Variants in RNLS observed in about 807,000 individuals in gnomAD.
RNLS encodes renalase.
RNLS carries 39 observed loss-of-function variants against 39.8 expected under a neutral mutation model. The ratio of observed to expected loss-of-function variants is 0.98; its 90% CI spans 0.76 to 1.28. RNLS has a LOEUF of 1.28. RNLS is among the 50% of genes most tolerant of loss of function. The probability of loss-of-function intolerance (pLI) is 0.00; values close to 1 mark genes in which losing one functional copy is unlikely to be tolerated. For synonymous variants in RNLS, 147 were observed against 150.7 expected (o/e 0.98, Z 0.18); for missense variants, 410 against 413.3 (o/e 0.99, Z 0.07).
chr10:88,486,541 T>C (rs1452630409), intron 4 of RNLS, among the ~76,000 whole-genome samples: 6 of 150,930 alleles, frequency 4.0e-5, no homozygotes, highest in Non-Finnish European at 8.9e-5. Flanking sequence ...CATTAAAAAG[T>C]GGGAAAAGGA....
chr10:88,348,176 C>T (rs1848441066), intron 5 of RNLS, among the ~76,000 whole-genome samples: 1 of 152,158 alleles, frequency 6.6e-6, no homozygotes, highest in Non-Finnish European at 1.5e-5. Flanking sequence ...TTTCCTTTCT[C>T]AGTTGGCAGC....
chr10:88,370,230 A>G (rs938975014), intron 4 of RNLS, among the ~76,000 whole-genome samples: 1 of 152,178 alleles, frequency 6.6e-6, no homozygotes, highest in Non-Finnish European at 1.5e-5. Flanking sequence ...TAAGTAAATA[A>G]GGTACTGCTT....
chr10:88,206,537 C>T, the RNLS span, among the ~76,000 whole-genome samples: 1 of 152,128 alleles, frequency 6.6e-6, no homozygotes, highest in South Asian at 2.1e-4. Flanking sequence ...TAAAGGGCCC[C>T]AACTGGCAGG....
the RNLS span, among the ~76,000 whole-genome samples, chr10:88,232,893 G>C: frequency 6.6e-6 from 1 of 152,148 alleles, no homozygotes; most frequent in East Asian, 1.9e-4. Context: ...TAGTAATAAT[G>C]GTTACTATTA....
chr10:88,274,695 T>G lies in RNLS; in HGVS notation c.*266A>C, dbSNP rs115978207. The G allele has an allele frequency of 1.9e-3, 673 of 361,066 alleles. 4 individuals are homozygous for G. The highest frequency in any genetic ancestry group is 0.012 in the African/African-American group (592 of 48,460). The allele number at this position is 361,066 out of a possible 1,614,324, so 22.4% of individuals were successfully genotyped here. A position where few individuals can be genotyped will look rare whatever the true frequency, so the allele number is the denominator to read the frequency against. On this transcript the variant is annotated 3_prime_UTR_variant, in exon 7 of 7. Coordinates refer to the RNLS transcript ENST00000371947. Reference sequence around the variant, plus strand: ...TTCAAGTCCCTACTTTCACTTCTTTTGGATAGATATCCAGATGTGGAACTG... The same window carrying G: ...TTCAAGTCCCTACTTTCACTTCTTTGGGATAGATATCCAGATGTGGAACTG...
At chr10:88,227,375 CATA>C in the RNLS span, among the ~76,000 whole-genome samples, 5 of 152,192 alleles carry the variant, frequency 3.3e-5, no homozygotes, top group African/African-American at 1.2e-4. Context: ...GAGGTAAAGA[CATA>C]ATAACTAAAT....
At chr10:88,372,232 A>T (rs1248405766) in intron 4 of RNLS, among the ~76,000 whole-genome samples, 1 of 152,122 alleles carries the variant, frequency 6.6e-6, no homozygotes, top group African/African-American at 2.4e-5. Flanking sequence ...GTGATTAATC[A>T]GGTCCCCTCC....
chr10:88,542,664 T>C (rs57335966), intron 4 of RNLS, among the ~76,000 whole-genome samples: 2,683 of 152,248 alleles, frequency 0.018, 86 homozygotes, highest in African/African-American at 0.06. Flanking sequence ...CACTGCATGA[T>C]CTTCTGCAAA....
intron 5 of RNLS, among the ~76,000 whole-genome samples, chr10:88,337,215 G>A (rs984814688): frequency 6.6e-6 from 1 of 152,186 alleles, no homozygotes; most frequent in Non-Finnish European, 1.5e-5. Context: ...AAGAAATCCA[G>A]GACCCTGTTG....
downstream of RNLS, among the ~76,000 whole-genome samples, chr10:88,280,402 G>GGATC (rs1253618234): frequency 1.3e-5 from 2 of 152,134 alleles, no homozygotes; most frequent in African/African-American, 4.8e-5. Context: ...ACGTGGCATA[G>GGATC]GATCAAGGAA....
At chr10:88,462,329 C>T (rs976703857) in intron 4 of RNLS, among the ~76,000 whole-genome samples, 1 of 151,986 alleles carries the variant, frequency 6.6e-6, no homozygotes, top group Non-Finnish European at 1.5e-5. Flanking sequence ...TATCCATCAC[C>T]TTAAGCACTT....
chr10:88,583,291 C>T lies in RNLS; in HGVS notation c.-101G>A. On this transcript the variant is annotated 5_prime_UTR_variant, in exon 1 of 7. Transcript: ENST00000331772. ...GAACCGGCGCTAGCGCTCTTTGGTT[C>T]CGTGCTCCCTGGGCCGACCTGGGCC... 6.5e-7 allele frequency: 1 copy of T among 1,539,928 alleles called. No homozygotes were observed. Among genetic ancestry groups the T allele is most frequent in the Non-Finnish European group, 8.7e-7 (1 of 1,150,908 alleles).
intron 4 of RNLS, among the ~76,000 whole-genome samples, chr10:88,402,398 T>C (rs1050168623): frequency 6.6e-6 from 1 of 151,886 alleles, no homozygotes; most frequent in East Asian, 1.9e-4. Context: ...ATATGATCGA[T>C]ATTACACATT....
At chr10:88,242,726 G>A in the RNLS span, among the ~76,000 whole-genome samples, 12 of 152,164 alleles carry the variant, frequency 7.9e-5, no homozygotes, top group Admixed American at 5.2e-4. Context: ...TGAGGCAGGC[G>A]GATGACCTGA....
the RNLS span, among the ~76,000 whole-genome samples, chr10:88,236,824 G>A: frequency 6.6e-6 from 1 of 152,212 alleles, no homozygotes; most frequent in African/African-American, 2.4e-5. Flanking sequence ...AATAAATGCT[G>A]TGATGGAAGC....
chr10:88,198,322 C>T, the RNLS span, among the ~76,000 whole-genome samples: 1 of 152,188 alleles, frequency 6.6e-6, no homozygotes, highest in Admixed American at 6.5e-5. Context: ...GGCCTGTGAG[C>T]AGGGTTTCTT....
intron 5 of RNLS, among the ~76,000 whole-genome samples, chr10:88,355,922 T>G (rs1010184688): frequency 6.6e-6 from 1 of 152,134 alleles, no homozygotes; most frequent in South Asian, 2.1e-4. Context: ...TGGGCACCCC[T>G]CCCCCAGCCT....
downstream of RNLS, among the ~76,000 whole-genome samples, chr10:88,282,964 C>T (rs550621897): frequency 6.6e-6 from 1 of 152,154 alleles, no homozygotes; most frequent in Non-Finnish European, 1.5e-5. Flanking sequence ...GAACAGCTTT[C>T]CTTGGCTGGC....
the RNLS span, among the ~76,000 whole-genome samples, chr10:88,219,011 T>C: frequency 2.6e-5 from 4 of 152,220 alleles, no homozygotes; most frequent in African/African-American, 7.2e-5. Context: ...GTTTATATCA[T>C]CCAGTATTTG....
Sources: gnomAD v4.1 joint callset for allele counts (sites outside exome capture counted in the v4.1 genomes callset) on GRCh38, gnomAD v4.1.1 for gene constraint, MANE v1.5 for transcripts, NCBI Gene and HGNC (gene_info 2026-07-23, HGNC 2026-07-21) for gene names.